Variants in LDB2 observed in about 807,000 individuals in gnomAD.
The protein encoded by LDB2 is LIM domain-binding protein 2.
Under a neutral mutation model 44.3 loss-of-function variants are expected in LDB2, and 12 were observed. The observed-to-expected ratio is 0.27, with a 90% confidence interval of 0.17 to 0.44. The LOEUF (loss-of-function observed/expected upper bound fraction) is 0.44. Ranked by LOEUF, LDB2 falls within the 20% of genes least tolerant of loss-of-function variation. LDB2 has a pLI of 1.00. For missense variants in LDB2, 344 were observed against 473.5 expected, an observed-to-expected ratio of 0.73 and a Z score of 2.54; for synonymous variants, 164 against 174.8, an observed-to-expected ratio of 0.94 and a Z score of 0.49.
chr4:16,896,381 AC>A (rs1725006178), intron 1 of LDB2, among the ~76,000 whole-genome samples: 1 of 152,138 alleles, frequency 6.6e-6, no homozygotes, highest in African/African-American at 2.4e-5. Context: ...CAAATGGGAA[AC>A]AAACCTGGGA....
intron 5 of LDB2, among the ~76,000 whole-genome samples, chr4:16,564,996 C>A (rs1340822885): frequency 1.3e-5 from 2 of 152,180 alleles, no homozygotes; most frequent in Non-Finnish European, 2.9e-5. Context: ...TTCTCCTTTA[C>A]AATTACAAGA....
At chr4:16,512,818 C>T (rs540392523) in intron 5 of LDB2, among the ~76,000 whole-genome samples, 102 of 152,244 alleles carry the variant, frequency 6.7e-4, no homozygotes, top group Non-Finnish European at 1.2e-3. Flanking sequence ...TTTTTTCAGC[C>T]TTACTTTGGT....
intron 3 of LDB2, among the ~76,000 whole-genome samples, chr4:16,589,268 G>C (rs1247789443): frequency 6.6e-6 from 1 of 152,168 alleles, no homozygotes; most frequent in Non-Finnish European, 1.5e-5. Context: ...GGTTAAGTGT[G>C]AGTTACTACA....
chr4:16,758,964 A>C (rs1337394547), intron 2 of LDB2, among the ~76,000 whole-genome samples, 194 bp downstream of exon 2: 1 of 152,102 alleles, frequency 6.6e-6, no homozygotes, highest in Admixed American at 6.5e-5. Context: ...AAACATTCTA[A>C]GCCTCGAAGG....
At chr4:16,527,084 G>A (rs970650951) in intron 5 of LDB2, among the ~76,000 whole-genome samples, 2 of 152,060 alleles carry the variant, frequency 1.3e-5, no homozygotes, top group African/African-American at 2.4e-5. Flanking sequence ...ATCTGTTCTC[G>A]AATGTAACTG....
intron 1 of LDB2, among the ~76,000 whole-genome samples, chr4:16,785,562 G>A (rs188023134): frequency 3.6e-4 from 55 of 152,286 alleles, no homozygotes; most frequent in Middle Eastern, 3.4e-3. Flanking sequence ...CAGCCGCATC[G>A]GGTGAAAGCA....
chr4:16,601,942 A>G (rs1316007519), intron 2 of LDB2, among the ~76,000 whole-genome samples: 1 of 152,142 alleles, frequency 6.6e-6, no homozygotes, highest in Non-Finnish European at 1.5e-5. Flanking sequence ...TTGACCTGTG[A>G]TGGGGGTGAT....
chr4:16,523,679 C>T (rs1727135348), intron 5 of LDB2, among the ~76,000 whole-genome samples: 1 of 151,632 alleles, frequency 6.6e-6, no homozygotes, highest in African/African-American at 2.4e-5. Context: ...TACTCAGGGA[C>T]TAATGGGTGG....
intron 1 of LDB2, among the ~76,000 whole-genome samples, chr4:16,800,905 C>G (rs1321559047): frequency 3.9e-5 from 6 of 152,180 alleles, no homozygotes; most frequent in Admixed American, 2.6e-4. Flanking sequence ...TCGATCTCCT[C>G]ACCTCATGAT....
At chr4:16,621,365 G>A (rs1728826055) in intron 2 of LDB2, among the ~76,000 whole-genome samples, 1 of 152,082 alleles carries the variant, frequency 6.6e-6, no homozygotes, top group Non-Finnish European at 1.5e-5. Flanking sequence ...GCAAGGCATA[G>A]CCTATAGCAT....
intron 1 of LDB2, among the ~76,000 whole-genome samples, chr4:16,800,098 C>T (rs975155121): frequency 4.6e-5 from 7 of 151,648 alleles, no homozygotes; most frequent in African/African-American, 1.7e-4. Context: ...AGCTGGGAAA[C>T]AAATATAGAT....
rs189054093 is a variant in LDB2, at chr4:16,582,168, G to C, written c.615+3754C>G. ...GCACCTGGGAGCAATTTCTCTCCAA[G>C]AGTGTATTTGTTTTTCTTTCTTACA... On this transcript the variant is annotated intron_variant, in intron 5 of 7. Coordinates refer to ENST00000304523, the MANE Select transcript of LDB2 (RefSeq NM_001290.5). The surrounding 1 kb of genome is among the most constrained non-coding windows in gnomAD (Gnocchi z 4.8). Among the ~76,000 whole-genome samples the C allele has an allele frequency of 1.3e-5, 2 of 152,160 alleles. No homozygotes were observed. Among genetic ancestry groups the C allele is most frequent in the African/African-American group, 4.8e-5 (2 of 41,438 alleles).
chr4:16,741,536 C>T (rs1370165313), intron 2 of LDB2: 2 of 152,188 alleles, frequency 1.3e-5, no homozygotes, highest in African/African-American at 4.8e-5. Flanking sequence ...TGCATAAGAA[C>T]CTGTAGATCA....
intron 2 of LDB2, among the ~76,000 whole-genome samples, chr4:16,608,920 A>G (rs1053862721): frequency 6.6e-6 from 1 of 152,190 alleles, no homozygotes; most frequent in African/African-American, 2.4e-5. Flanking sequence ...CTCTTCTGTC[A>G]TTATTAAAAA....
chr4:16,790,370 T>C (rs1775442968), intron 1 of LDB2, among the ~76,000 whole-genome samples: 1 of 152,210 alleles, frequency 6.6e-6, no homozygotes, highest in Admixed American at 6.5e-5. Flanking sequence ...AGACTGCCTA[T>C]GTGACAGTGG....
chr4:16,509,418 T>C (rs1050058373), intron 6 of LDB2, among the ~76,000 whole-genome samples: 11 of 152,130 alleles, frequency 7.2e-5, no homozygotes, highest in Admixed American at 7.2e-4. Flanking sequence ...AAGAAAGGCC[T>C]ATTCAGAAAC....
intron 2 of LDB2, among the ~76,000 whole-genome samples, chr4:16,693,092 G>A (rs1472956561): frequency 3.3e-5 from 5 of 152,140 alleles, no homozygotes; most frequent in African/African-American, 4.8e-5. Flanking sequence ...AGTTTCGAGG[G>A]CCTTGGCTTG....
intron 1 of LDB2, among the ~76,000 whole-genome samples, chr4:16,803,928 G>A (rs1215995668): frequency 1.3e-5 from 2 of 152,218 alleles, no homozygotes; most frequent in Non-Finnish European, 2.9e-5. Context: ...CAGGTTTTGA[G>A]AATAATGGGC....
At chr4:16,883,213 C>T (rs753544323) in intron 1 of LDB2, among the ~76,000 whole-genome samples, 4 of 152,168 alleles carry the variant, frequency 2.6e-5, no homozygotes, top group African/African-American at 4.8e-5. Context: ...GCCAAAAATA[C>T]GTTATTTACC....
Sources: allele counts gnomAD v4.1 joint callset (sites outside exome capture counted in the v4.1 genomes callset), GRCh38; gene constraint gnomAD v4.1.1; non-coding constraint Gnocchi (gnomAD v3.1); transcripts MANE v1.5; gene names NCBI Gene and HGNC (gene_info 2026-07-23, HGNC 2026-07-21).